CHST9: variants seen among roughly 807,000 people sequenced by gnomAD.
CHST9 encodes carbohydrate sulfotransferase 9.
A neutral mutation model predicts 44.4 loss-of-function variants in CHST9; 41 were observed. The observed-to-expected ratio is 0.92, with a 90% CI of 0.72 to 1.20. The LOEUF (loss-of-function observed/expected upper bound fraction) is 1.20, where lower values mean the gene tolerates loss of function less well. Ranked by LOEUF, CHST9 falls within the 50% of genes most tolerant of loss-of-function variation. The pLI, the probability that CHST9 is intolerant of heterozygous loss-of-function variation, is 0.00. For synonymous variants in CHST9, 171 were observed against 178.4 expected, an observed-to-expected ratio of 0.96 and a Z score of 0.33; for missense variants, 504 against 516.5, an observed-to-expected ratio of 0.98 and a Z score of 0.23.
At chr18:27,047,388 T>TGTGTGTG (rs2057514027) in intron 3 of CHST9, among the ~76,000 whole-genome samples, 1 of 145,552 alleles carries the variant, frequency 6.9e-6, no homozygotes, top group Non-Finnish European at 1.5e-5. Flanking sequence ...GCCTTCATAA[T>TGTGTGTG]TGTGTGTGTG....
Position 26,944,331 on chromosome 18 carries a change from G to C in CHST9, c.238C>G (p.Gln80Glu). 6.2e-7 allele frequency: 1 copy of C among 1,607,202 alleles called. No individual in the cohort carries two copies. The highest frequency in any genetic ancestry group is 1.7e-4 in the Middle Eastern group (1 of 6,036). The change falls in exon 5 of 6, where the codon CAG (glutamine) becomes GAG (glutamate). Residue 80 changes from glutamine to glutamate, a missense_variant and splice_region_variant. Transcript: ENST00000618847. ...TEKIQEHITN[Q>E]NPKFHMPEDV... Reference sequence around the variant, plus strand: ...GTTTACGAGAAATGAGAGAATACCTGGTTGGTGATATGTTCCTGGATTTTT... The same window carrying C: ...GTTTACGAGAAATGAGAGAATACCTCGTTGGTGATATGTTCCTGGATTTTT...
intron 3 of CHST9, among the ~76,000 whole-genome samples, chr18:27,040,708 GACAT>G: frequency 6.6e-6 from 1 of 152,150 alleles, no homozygotes; most frequent in East Asian, 1.9e-4. Context: ...TGGCTCAAGT[GACAT>G]ACATTCACTT....
chr18:27,162,534 T>C (rs28830187), intron 1 of CHST9, among the ~76,000 whole-genome samples: 2,822 of 152,108 alleles, frequency 0.019, 79 homozygotes, highest in African/African-American at 0.062. Flanking sequence ...CTCTGGCTGC[T>C]CTTAACATTT....
chr18:26,984,092 C>T (rs2056725527), intron 4 of CHST9, among the ~76,000 whole-genome samples: 1 of 152,126 alleles, frequency 6.6e-6, no homozygotes, highest in Admixed American at 6.5e-5. Context: ...AGTTTGGAGT[C>T]AAGACCTAAG....
At chr18:27,118,296 TA>T (rs2058346167) in intron 2 of CHST9, among the ~76,000 whole-genome samples, 1 of 152,226 alleles carries the variant, frequency 6.6e-6, no homozygotes, top group African/African-American at 2.4e-5. Flanking sequence ...ATAACAGTCT[TA>T]TATTAGATGT....
At chr18:27,072,616 G>A (rs1459141582) in intron 2 of CHST9, among the ~76,000 whole-genome samples, 2 of 152,090 alleles carry the variant, frequency 1.3e-5, no homozygotes, top group Non-Finnish European at 2.9e-5. Context: ...CAGATGTGCA[G>A]CCTCACTTGG....
chr18:27,125,537 C>G (rs28658184), intron 2 of CHST9, among the ~76,000 whole-genome samples: 1,606 of 152,198 alleles, frequency 0.011, 23 homozygotes, highest in African/African-American at 0.033. Context: ...AACCATTTTT[C>G]ATATTAACTT....
intron 3 of CHST9, among the ~76,000 whole-genome samples, chr18:27,047,834 A>G (rs1000041010): frequency 6.6e-6 from 1 of 152,128 alleles, no homozygotes; most frequent in African/African-American, 2.4e-5. Flanking sequence ...CTATGCAAAG[A>G]TCGACTTGGT....
At chr18:27,144,688 CAAAT>C (rs750499676) in intron 1 of CHST9, among the ~76,000 whole-genome samples, 53 of 151,844 alleles carry the variant, frequency 3.5e-4, no homozygotes, top group Middle Eastern at 3.4e-3. Context: ...GACTCTGTCT[CAAAT>C]AAATAGATAA....
intron 1 of CHST9, among the ~76,000 whole-genome samples, chr18:27,145,926 A>G (rs12970303): frequency 0.32 from 48,227 of 152,104 alleles, 8,274 homozygotes; most frequent in Non-Finnish European, 0.39. Context: ...ATTCCTGGGT[A>G]CATAAGAAGA....
At chr18:27,027,243 G>C (rs1312612050) in intron 3 of CHST9, among the ~76,000 whole-genome samples, 1 of 152,234 alleles carries the variant, frequency 6.6e-6, no homozygotes, top group East Asian at 1.9e-4. Context: ...GAAAAGGTTA[G>C]AGAGCTTCCT....
chr18:27,087,975 C>G (rs968662907), intron 2 of CHST9, among the ~76,000 whole-genome samples: 9 of 152,232 alleles, frequency 5.9e-5, no homozygotes, highest in African/African-American at 2.2e-4. Flanking sequence ...ATTTCTCCCA[C>G]TTGATGACTT....
At chr18:27,053,263 A>AAGAAGAAGAAGAG (rs2057604513) in intron 2 of CHST9, among the ~76,000 whole-genome samples, 3 of 69,350 alleles carry the variant, frequency 4.3e-5, no homozygotes, top group African/African-American at 1.7e-4. Context: ...AAGAAGAAGG[A>AAGAAGAAGAAGAG]GAAGGAGAAG....
In CHST9 at chr18:26,914,503, C is replaced by T. The variant is rs2055485126; in HGVS notation, c.*1756G>A. Reference sequence around the variant, plus strand: ...TTAAATTATGTAATTTAGATTACTCCAGAGTAAAACGTCTTAAAAACTGAG... The same window carrying T: ...TTAAATTATGTAATTTAGATTACTCTAGAGTAAAACGTCTTAAAAACTGAG... On this transcript the variant is annotated 3_prime_UTR_variant, in exon 6 of 6. Coordinates refer to ENST00000618847, the MANE Select transcript of CHST9 (RefSeq NM_031422.6). 1.3e-5 allele frequency: 2 copies of T among 156,116 alleles called. No individual in the cohort carries two copies. The highest frequency in any genetic ancestry group is 2.8e-5 in the Non-Finnish European group (2 of 70,768). 9.7% of individuals were successfully genotyped at this position (156,116 alleles called of 1,614,324 possible).
chr18:27,050,022 T>G (rs2057546984), intron 2 of CHST9, among the ~76,000 whole-genome samples: 1 of 152,114 alleles, frequency 6.6e-6, no homozygotes, highest in Admixed American at 6.6e-5. Flanking sequence ...AGTATGGGGG[T>G]TTTCAACAGC....
At position 26,913,461 on chromosome 18, in the gene CHST9, TATAG is replaced by T. The variant is rs1422737149; in HGVS notation, c.*2794_*2797del. The T allele has an allele frequency of 6.6e-6, 1 of 152,216 alleles. No homozygotes were observed. The highest frequency in any genetic ancestry group is 2.1e-4 in the South Asian group (1 of 4,822). The allele number at this position is 152,216 out of a possible 1,614,324, so 9.4% of individuals were successfully genotyped here. A position where few individuals can be genotyped will look rare whatever the true frequency, so the allele number is the denominator to read the frequency against. On this transcript the variant is annotated 3_prime_UTR_variant, in exon 6 of 6. Coordinates refer to ENST00000618847, the MANE Select transcript of CHST9 (RefSeq NM_031422.6). Reference sequence around the variant, plus strand: ...CACAATCACATCAATATTGCACATCTATAGATAGTTTACAGGTTACATAACTGTG... The same window carrying T: ...CACAATCACATCAATATTGCACATCTATAGTTTACAGGTTACATAACTGTG...
intron 2 of CHST9, among the ~76,000 whole-genome samples, chr18:27,053,137 GAAGAA>G (rs1568150792): frequency 1.4e-3 from 117 of 83,792 alleles, no homozygotes; most frequent in African/African-American, 5.2e-3. Context: ...AGAGGAAGAA[GAAGAA>G]GAAGAAGAAG....
intron 1 of CHST9, among the ~76,000 whole-genome samples, chr18:27,184,597 C>CGCCTGA (rs1228345944): frequency 6.6e-6 from 1 of 152,066 alleles, no homozygotes; most frequent in Non-Finnish European, 1.5e-5. Flanking sequence ...CCGCAGCCTG[C>CGCCTGA]GCCTGAGCCT....
rs143805874 is a variant in CHST9 at position 27,183,117 on chromosome 18, TG to T, written c.-97+2018del. On this transcript the variant is annotated intron_variant, in intron 1 of 5. Transcript: ENST00000618847. Reference sequence around the variant, plus strand: ...TAGCTTCTCTCTGTTAACAAAAAGGTGGGGGGTGGGGGGAAAGCAATCAGAT... The same window carrying T: ...TAGCTTCTCTCTGTTAACAAAAAGGTGGGGGTGGGGGGAAAGCAATCAGAT... 5.5e-3 allele frequency among the ~76,000 whole-genome samples: 720 copies of T among 129,750 alleles called. 5 individuals carry two copies. The highest frequency in any genetic ancestry group is 0.019 in the African/African-American group (652 of 35,156). 85.1% of individuals were successfully genotyped at this position (129,750 alleles called of 152,430 possible).
Sources: allele counts gnomAD v4.1 joint callset (sites outside exome capture counted in the v4.1 genomes callset), GRCh38; gene constraint gnomAD v4.1.1; transcripts MANE v1.5; gene names NCBI Gene and HGNC (gene_info 2026-07-23, HGNC 2026-07-21).